The following DGKB variants were observed in gnomAD, a reference collection of about 807,000 sequenced individuals.
DGKB encodes 90 kDa diacylglycerol kinase.
In DGKB, 67 loss-of-function variants were observed where a neutral mutation model predicts 114.3. That is an observed-to-expected ratio of 0.59 (90% CI 0.48 to 0.72). The LOEUF (loss-of-function observed/expected upper bound fraction) is 0.72. Ranked by LOEUF, DGKB falls within the 30% of genes least tolerant of loss-of-function variation. The probability of loss-of-function intolerance (pLI) is 0.00; values close to 1 mark genes in which losing one functional copy is unlikely to be tolerated. For missense variants in DGKB, 907 were observed against 975.2 expected, an observed-to-expected ratio of 0.93 and a Z score of 0.93; for synonymous variants, 398 against 323.1, an observed-to-expected ratio of 1.23 and a Z score of -2.49.
chr7:14,668,557 A>G (rs1017807302), intron 13 of DGKB, among the ~76,000 whole-genome samples: 12 of 152,072 alleles, frequency 7.9e-5, no homozygotes, highest in African/African-American at 2.9e-4. Flanking sequence ...TATAATATTT[A>G]TCTTATGTTG....
Position 14,787,344 on chromosome 7 carries a change from T to C in DGKB, c.71-29613A>G, listed in dbSNP as rs186836307. ...AAAGCTAAGTTCAGAGTCCTACTTA[T>C]TACACAGAAATCTGCAAGAGAATGT... On this transcript the variant is annotated intron_variant, in intron 2 of 25. Transcript: ENST00000402815. Among the ~76,000 whole-genome samples the C allele has an allele frequency of 1.8e-3, 276 of 152,306 alleles. 2 individuals carry two copies. Among genetic ancestry groups the C allele is most frequent in the Non-Finnish European group, 7.2e-4 (49 of 68,022 alleles).
upstream of DGKB, among the ~76,000 whole-genome samples, chr7:14,907,576 G>A (rs1013336948): frequency 1.1e-4 from 17 of 152,188 alleles, no homozygotes; most frequent in African/African-American, 4.1e-4. Flanking sequence ...CATGTGCACA[G>A]GGGTAATGGT....
chr7:14,465,967 T>G (rs1206897370), intron 21 of DGKB, among the ~76,000 whole-genome samples: 1 of 151,872 alleles, frequency 6.6e-6, no homozygotes, highest in Non-Finnish European at 1.5e-5. Flanking sequence ...TTGCATGAGT[T>G]GGAAGTAGAC....
chr7:14,216,725 CAAA>C (rs755191130), intron 23 of DGKB, among the ~76,000 whole-genome samples: 6 of 50,348 alleles, frequency 1.2e-4, no homozygotes, highest in South Asian at 7.2e-4. Flanking sequence ...GACTCCGTCT[CAAA>C]AAAAAAAAAA....
chr7:14,814,997 A>G (rs1843920128), intron 2 of DGKB, among the ~76,000 whole-genome samples: 1 of 152,116 alleles, frequency 6.6e-6, no homozygotes, highest in South Asian at 2.1e-4. Context: ...CTTTTTTCTA[A>G]TAGTTAATCC....
At chr7:14,505,867 C>G (rs1435243230) in intron 20 of DGKB, among the ~76,000 whole-genome samples, 1 of 152,188 alleles carries the variant, frequency 6.6e-6, no homozygotes, top group Non-Finnish European at 1.5e-5. Context: ...TTCCAGGTCT[C>G]TTTCCTGTGG....
At chr7:14,550,035 AT>A (rs1323033072) in intron 20 of DGKB, among the ~76,000 whole-genome samples, 1 of 152,088 alleles carries the variant, frequency 6.6e-6, no homozygotes, top group East Asian at 1.9e-4. Flanking sequence ...TGAACAAGCA[AT>A]TTTTGAAAAT....
At chr7:14,690,746 G>A (rs977486877) in intron 9 of DGKB, among the ~76,000 whole-genome samples, 6 of 152,156 alleles carry the variant, frequency 3.9e-5, no homozygotes, top group African/African-American at 1.4e-4. Flanking sequence ...TCCAATCACT[G>A]GAACAGAGTT....
intron 23 of DGKB, among the ~76,000 whole-genome samples, chr7:14,256,973 A>G (rs551313803): frequency 1.3e-5 from 2 of 152,076 alleles, no homozygotes; most frequent in African/African-American, 4.8e-5. Context: ...TGAGACCAGC[A>G]TGGGCATCAT....
At chr7:14,259,637 G>A (rs1395537094) in intron 23 of DGKB, among the ~76,000 whole-genome samples, 1 of 152,032 alleles carries the variant, frequency 6.6e-6, no homozygotes, top group East Asian at 1.9e-4. Context: ...TGTTGGCCAG[G>A]ATGGTCTTGA....
intron 1 of DGKB, among the ~76,000 whole-genome samples, chr7:14,860,821 C>A (rs10237527): frequency 0.11 from 16,088 of 151,562 alleles, 1,592 homozygotes; most frequent in East Asian, 0.29. Flanking sequence ...ATTTTATGTG[C>A]AAAACTGTAT....
chr7:14,440,446 G>C (rs1465162178), intron 21 of DGKB, among the ~76,000 whole-genome samples: 1 of 152,080 alleles, frequency 6.6e-6, no homozygotes, highest in African/African-American at 2.4e-5. Context: ...GTGATATACT[G>C]AGTTGATCAT....
At chr7:14,480,102 A>C (rs1346398080) in intron 20 of DGKB, among the ~76,000 whole-genome samples, 1 of 151,988 alleles carries the variant, frequency 6.6e-6, no homozygotes, top group Non-Finnish European at 1.5e-5. Flanking sequence ...ACAAAGCAAC[A>C]TAAACAGAAT....
Position 14,766,068 on chromosome 7 carries a change from A to G in DGKB, c.71-8337T>C, listed in dbSNP as rs1764059154. Among the ~76,000 whole-genome samples the G allele has an allele frequency of 1.3e-5, 2 of 152,110 alleles. 1 individual carries two copies. The highest frequency in any genetic ancestry group is 4.1e-4 in the South Asian group (2 of 4,830). The stretch of plus-strand genomic sequence containing the variant: ...ATTATTTGTACTTTAGAAACAATAA[A>G]TAGGTCTTTAAAGACAAATCTGGAG... On this transcript the variant is annotated intron_variant, in intron 2 of 25. Transcript: ENST00000402815.
intron 20 of DGKB, among the ~76,000 whole-genome samples, chr7:14,487,008 C>T (rs545290750): frequency 2.6e-5 from 4 of 152,194 alleles, no homozygotes; most frequent in East Asian, 1.9e-4. Flanking sequence ...AAAATTGATA[C>T]GTAGCATCAC....
In DGKB at chr7:14,695,543, A is replaced by T. The variant is rs560811201; in HGVS notation, c.592-1349T>A. Among the ~76,000 whole-genome samples, 887 of 115,274 alleles carry T rather than the reference A, an allele frequency of 7.7e-3. 11 individuals are homozygous for T. Among genetic ancestry groups the T allele is most frequent in the African/African-American group, 0.028 (817 of 29,144 alleles). 75.6% of individuals were successfully genotyped at this position (115,274 alleles called of 152,430 possible). ...GAGATGGAGTCTCACTCTGTCGCCC[A>T]GGCTGGAGTGCTGTGGCGCAATCTG... On this transcript the variant is annotated intron_variant, in intron 8 of 25. Transcript: ENST00000402815.
chr7:14,959,411 G>C (rs1227725521), intron 1 of DGKB, among the ~76,000 whole-genome samples: 2 of 151,266 alleles, frequency 1.3e-5, no homozygotes, highest in Non-Finnish European at 2.9e-5. Context: ...TTTATCCTCA[G>C]GGCATTTTAG....
intron 20 of DGKB, among the ~76,000 whole-genome samples, chr7:14,513,949 C>T (rs1435787252): frequency 6.6e-6 from 1 of 151,942 alleles, no homozygotes; most frequent in South Asian, 2.1e-4. Flanking sequence ...GGTCTACTGA[C>T]ATTTCTAGCA....
intron 20 of DGKB, among the ~76,000 whole-genome samples, chr7:14,490,381 T>A (rs1007507956): frequency 8.5e-5 from 13 of 152,188 alleles, no homozygotes; most frequent in African/African-American, 3.1e-4. Flanking sequence ...TTGGTTAATT[T>A]CAATTAGATA....
Sources: gnomAD v4.1 joint callset for allele counts (sites outside exome capture counted in the v4.1 genomes callset) on GRCh38, gnomAD v4.1.1 for gene constraint, MANE v1.5 for transcripts, NCBI Gene and HGNC (gene_info 2026-07-23, HGNC 2026-07-21) for gene names.